FUT8: variants seen among roughly 807,000 people sequenced by gnomAD.
FUT8 encodes the protein fucosyltransferase 8, also known as alpha-(1,6)-fucosyltransferase.
In FUT8, 29 loss-of-function variants were observed where a neutral mutation model predicts 71.3. The ratio of observed to expected loss-of-function variants is 0.41; its 90% CI spans 0.30 to 0.55. The LOEUF (loss-of-function observed/expected upper bound fraction) is 0.55. Among genes scored for constraint, FUT8 ranks in the 20% least tolerant of loss-of-function variants. The probability of loss-of-function intolerance (pLI) is 0.34; values close to 1 mark genes in which losing one functional copy is unlikely to be tolerated. For missense variants in FUT8, 544 were observed against 702.1 expected, an observed-to-expected ratio of 0.77 and a Z score of 2.55; for synonymous variants, 254 against 239.3, an observed-to-expected ratio of 1.06 and a Z score of -0.57.
Position 65,461,216 on chromosome 14 carries a change from C to T in FUT8, c.-228+5498C>T, listed in dbSNP as rs181750488. ...GCCAGAAATCCTTGGTATTTCTTGA[C>T]TTTTGGTAGCATAACTCCAATCTCT... is the stretch of plus-strand genomic sequence containing the variant. On this transcript the variant is annotated intron_variant, in intron 2 of 10. Transcript: ENST00000673929. Among the ~76,000 whole-genome samples, 433 of 152,256 alleles carry T rather than the reference C, an allele frequency of 2.8e-3. 2 individuals are homozygous for T. Among genetic ancestry groups the T allele is most frequent in the African/African-American group, 9.9e-3 (412 of 41,546 alleles).
At chr14:65,382,337 T>G in the FUT8 span, among the ~76,000 whole-genome samples, 1 of 152,162 alleles carries the variant, frequency 6.6e-6, no homozygotes, top group African/African-American at 2.4e-5. Context: ...AAATATCTAC[T>G]GATTTTTCTT....
chr14:65,490,839 A>G (rs2066471957), intron 2 of FUT8, among the ~76,000 whole-genome samples: 1 of 152,090 alleles, frequency 6.6e-6, no homozygotes, highest in Non-Finnish European at 1.5e-5. Context: ...CGAGTTAATT[A>G]CCATTTCTTT....
chr14:65,499,139 T>C (rs1243427707), intron 2 of FUT8, among the ~76,000 whole-genome samples: 5 of 152,192 alleles, frequency 3.3e-5, no homozygotes, highest in Middle Eastern at 3.2e-3. Flanking sequence ...GGCCTGAAAC[T>C]CCTAGGCTCA....
chr14:65,639,092 C>T (rs1890705642), intron 6 of FUT8, among the ~76,000 whole-genome samples: 1 of 151,360 alleles, frequency 6.6e-6, no homozygotes, highest in South Asian at 2.1e-4. Context: ...AATACCTTTT[C>T]CAAGATAAAA....
intron 5 of FUT8, among the ~76,000 whole-genome samples, chr14:65,628,812 C>G (rs1322785545): frequency 1.3e-5 from 2 of 152,208 alleles, no homozygotes; most frequent in Non-Finnish European, 2.9e-5. Flanking sequence ...GACCAGGACT[C>G]AGCAAATTAT....
intron 6 of FUT8, among the ~76,000 whole-genome samples, chr14:65,651,293 G>C (rs546868664): frequency 1.3e-5 from 2 of 152,348 alleles, no homozygotes; most frequent in East Asian, 3.9e-4. Flanking sequence ...TTAGAATTGG[G>C]CTCTGCTGTG....
intron 2 of FUT8, among the ~76,000 whole-genome samples, chr14:65,560,695 A>G (rs529463602): frequency 6.6e-6 from 1 of 152,308 alleles, no homozygotes; most frequent in Non-Finnish European, 1.5e-5. Flanking sequence ...GTATTTTTAT[A>G]AATTTGAGGA....
intron 8 of FUT8, among the ~76,000 whole-genome samples, chr14:65,722,483 C>T (rs1007820841): frequency 6.6e-6 from 1 of 152,028 alleles, no homozygotes; most frequent in Non-Finnish European, 1.5e-5. Flanking sequence ...TTCATATTTC[C>T]CACCCCACAT....
chr14:65,448,453 A>G (rs1475290965), intron 1 of FUT8, among the ~76,000 whole-genome samples: 1 of 152,206 alleles, frequency 6.6e-6, no homozygotes, highest in Non-Finnish European at 1.5e-5. Flanking sequence ...AATAAAATAA[A>G]ATACATCTGA....
rs543799935 is a variant in FUT8 at position 65,699,984 on chromosome 14, G to A, written c.836-21791G>A. The stretch of plus-strand genomic sequence containing the variant: ...GTTTTTCCTCTTCTTATACTTTTCT[G>A]GTTTTTGTGGTATATCTACCTCTTA... On this transcript the variant is annotated intron_variant, in intron 7 of 10. Coordinates refer to ENST00000673929, the MANE Select transcript of FUT8 (RefSeq NM_001371533.1). Among the ~76,000 whole-genome samples the A allele has an allele frequency of 5.3e-5, 8 of 152,134 alleles. No individual in the cohort carries two copies. The South Asian group carries it at 1.7e-3, about 32-fold the overall frequency.
chr14:65,371,910 G>GTATA, the FUT8 span, among the ~76,000 whole-genome samples: 20,270 of 151,632 alleles, frequency 0.13, 1,764 homozygotes, highest in Middle Eastern at 0.2. Context: ...AGGAATGTAT[G>GTATA]TATATATATA....
chr14:65,557,583 A>C (rs1166178698), intron 2 of FUT8, among the ~76,000 whole-genome samples: 1 of 151,758 alleles, frequency 6.6e-6, no homozygotes, highest in Non-Finnish European at 1.5e-5. Context: ...CACCCGCCTC[A>C]GCCTCCCAAA....
At chr14:65,706,965 A>G (rs1027248769) in intron 7 of FUT8, among the ~76,000 whole-genome samples, 2 of 152,196 alleles carry the variant, frequency 1.3e-5, no homozygotes, top group African/African-American at 4.8e-5. Flanking sequence ...TGATTTTTAC[A>G]TATGAAACGT....
chr14:65,408,181 C>A (rs542996110), upstream of FUT8, among the ~76,000 whole-genome samples: 4 of 152,106 alleles, frequency 2.6e-5, no homozygotes, highest in Non-Finnish European at 5.9e-5. Context: ...GGCTGCTCTA[C>A]CTTGTCCTTT....
intron 6 of FUT8, among the ~76,000 whole-genome samples, chr14:65,649,621 A>G (rs1009255021): frequency 6.6e-6 from 1 of 152,234 alleles, no homozygotes; most frequent in African/African-American, 2.4e-5. Context: ...TTTTAAATCT[A>G]AAAGAGACCA....
chr14:65,623,325 A>T (rs2140245848), intron 5 of FUT8, among the ~76,000 whole-genome samples: 1 of 152,304 alleles, frequency 6.6e-6, no homozygotes, highest in East Asian at 1.9e-4. Flanking sequence ...AGAAAACTAG[A>T]GAAATTAGCA....
At chr14:65,362,652 T>C in the FUT8 span, among the ~76,000 whole-genome samples, 14 of 152,108 alleles carry the variant, frequency 9.2e-5, no homozygotes, top group Non-Finnish European at 1.3e-4. Context: ...ACCCCAGATA[T>C]CCTCTGATTA....
intron 7 of FUT8, among the ~76,000 whole-genome samples, chr14:65,686,098 G>A (rs1284376508): frequency 6.6e-6 from 1 of 152,166 alleles, no homozygotes; most frequent in Non-Finnish European, 1.5e-5. Context: ...TAGAGAAGTG[G>A]TGAACAGAGG....
intron 2 of FUT8, among the ~76,000 whole-genome samples, chr14:65,501,773 C>G (rs2066648558): frequency 6.6e-6 from 1 of 152,130 alleles, no homozygotes; most frequent in Non-Finnish European, 1.5e-5. Context: ...CTTTTCCTAG[C>G]TACTTGGACC....
Sources: allele counts gnomAD v4.1 joint callset (sites outside exome capture counted in the v4.1 genomes callset), GRCh38; gene constraint gnomAD v4.1.1; transcripts MANE v1.5; gene names NCBI Gene and HGNC (gene_info 2026-07-23, HGNC 2026-07-21).